RSPO2: variants seen among roughly 807,000 people sequenced by gnomAD.
The protein encoded by RSPO2 is R-spondin 2.
A neutral mutation model predicts 30.9 loss-of-function variants in RSPO2; 14 were observed. The ratio of observed to expected loss-of-function variants is 0.45; its 90% CI spans 0.30 to 0.71. RSPO2 has a LOEUF of 0.71. Ranked by LOEUF, RSPO2 falls within the 30% of genes least tolerant of loss-of-function variation. The probability of loss-of-function intolerance (pLI) is 0.08; values close to 1 mark genes in which losing one functional copy is unlikely to be tolerated. For synonymous variants in RSPO2, 107 were observed against 96.4 expected (o/e 1.11, Z -0.64); for missense variants, 264 against 301.9 (o/e 0.87, Z 0.93).
intron 2 of RSPO2, among the ~76,000 whole-genome samples, chr8:108,044,524 C>G (rs987389864): frequency 6.6e-6 from 1 of 152,098 alleles, no homozygotes; most frequent in Admixed American, 6.6e-5. Flanking sequence ...CGTCCATATT[C>G]CTGCAAAGGA....
intron 2 of RSPO2, among the ~76,000 whole-genome samples, chr8:108,031,545 G>C (rs573668159): frequency 6.6e-6 from 1 of 152,152 alleles, no homozygotes; most frequent in South Asian, 2.1e-4. Flanking sequence ...TAAGATAAAC[G>C]TAAGCATCAA....
chr8:107,924,641 C>T (rs1474115052), intron 5 of RSPO2, among the ~76,000 whole-genome samples: 1 of 151,878 alleles, frequency 6.6e-6, no homozygotes, highest in East Asian at 1.9e-4. Context: ...CAGTAGGGTA[C>T]TGATGAAGGG....
chr8:107,917,437 A>T, intron 5 of RSPO2, among the ~76,000 whole-genome samples: 1 of 152,184 alleles, frequency 6.6e-6, no homozygotes, highest in East Asian at 1.9e-4. Flanking sequence ...GTAAGCCAAG[A>T]TCACACCATT....
chr8:108,027,552 A>G (rs746102994), intron 2 of RSPO2, among the ~76,000 whole-genome samples: 5 of 152,204 alleles, frequency 3.3e-5, no homozygotes, highest in Admixed American at 6.5e-5. Context: ...ATTTGGGAAA[A>G]TACAAGAGCA....
intron 5 of RSPO2, among the ~76,000 whole-genome samples, chr8:107,945,971 T>A (rs1229944245): frequency 6.6e-6 from 1 of 152,222 alleles, no homozygotes; most frequent in African/African-American, 2.4e-5. Context: ...ATCTGTTTGC[T>A]GAAATGCAAA....
intron 2 of RSPO2, among the ~76,000 whole-genome samples, chr8:107,998,806 G>A (rs766674246): frequency 8.3e-4 from 126 of 152,084 alleles, no homozygotes; most frequent in Non-Finnish European, 1.5e-3. Context: ...CAGCACTTTG[G>A]AAGGCTGAGG....
intron 3 of RSPO2, among the ~76,000 whole-genome samples, chr8:107,987,890 A>AT (rs1218297377): frequency 2.6e-5 from 4 of 152,168 alleles, no homozygotes; most frequent in Non-Finnish European, 5.9e-5. Context: ...TCACTCTCAT[A>AT]AATATGAGAT....
At chr8:107,990,414 G>C (rs1814808395) in intron 2 of RSPO2, among the ~76,000 whole-genome samples, 1 of 152,114 alleles carries the variant, frequency 6.6e-6, no homozygotes, top group African/African-American at 2.4e-5. Flanking sequence ...ACCAACAGCA[G>C]TCAAGCCAAG....
chr8:108,058,055 G>A (rs545209706), intron 2 of RSPO2, among the ~76,000 whole-genome samples: 1 of 152,200 alleles, frequency 6.6e-6, no homozygotes, highest in South Asian at 2.1e-4. Flanking sequence ...TCTTGTGCCA[G>A]TTTTCAAAGG....
intron 2 of RSPO2, among the ~76,000 whole-genome samples, chr8:108,024,981 T>G (rs995892701): frequency 3.3e-5 from 5 of 152,254 alleles, no homozygotes; most frequent in African/African-American, 1.2e-4. Flanking sequence ...ATCATGCCAC[T>G]GTACTCCAGT....
intron 5 of RSPO2, among the ~76,000 whole-genome samples, chr8:107,939,805 A>T (rs1286091742): frequency 6.6e-6 from 1 of 152,100 alleles, no homozygotes; most frequent in African/African-American, 2.4e-5. Flanking sequence ...ATTTTAAAAA[A>T]ATCCTTGATT....
At chr8:108,074,631 T>C (rs908587134) in intron 2 of RSPO2, among the ~76,000 whole-genome samples, 1 of 152,226 alleles carries the variant, frequency 6.6e-6, no homozygotes, top group African/African-American at 2.4e-5. Context: ...TAGGAAGTTC[T>C]GGGGATCAAT....
rs1811602306 is a variant in RSPO2 at position 107,905,323 on chromosome 8, T to A, written c.617-4133A>T. On this transcript the variant is annotated intron_variant, in intron 5 of 5. Transcript: ENST00000276659. ...AATGGAAGAAAACTAAAGAAAAATT[T>A]CAGTAGCTTTGACTATAAAAGAGAT... is the stretch of plus-strand genomic sequence containing the variant. Among the ~76,000 whole-genome samples, 3 of 152,036 alleles carry A rather than the reference T, an allele frequency of 2.0e-5. No homozygotes were observed. In the South Asian group the frequency reaches 6.2e-4, roughly 32 times the overall value.
chr8:107,945,241 CTTTTT>C lies in RSPO2; in HGVS notation c.616+12834_616+12838del, dbSNP rs754722790. Reference sequence around the variant, plus strand: ...TTATCTCCTGAGTTCATTCTTTTACCTTTTTTTTTTTTTTTTTTTTTTTTTGAGAC... The same window carrying C: ...TTATCTCCTGAGTTCATTCTTTTACCTTTTTTTTTTTTTTTTTTTTGAGAC... On this transcript the variant is annotated intron_variant, in intron 5 of 5. Coordinates refer to ENST00000276659, the MANE Select transcript of RSPO2 (RefSeq NM_178565.5). 3.0e-3 allele frequency among the ~76,000 whole-genome samples: 222 copies of C among 74,842 alleles called. 1 individual carries two copies. The highest frequency in any genetic ancestry group is 0.011 in the African/African-American group (207 of 18,062). 49.1% of individuals were successfully genotyped at this position (74,842 alleles called of 152,430 possible). A position where few individuals can be genotyped will look rare whatever the true frequency, so the allele number is the denominator to read the frequency against.
intron 5 of RSPO2, among the ~76,000 whole-genome samples, chr8:107,953,311 A>G (rs1361150469): frequency 6.6e-6 from 1 of 152,170 alleles, no homozygotes; most frequent in African/African-American, 2.4e-5. Flanking sequence ...AGGGATGGCA[A>G]CTACAATCTT....
intron 2 of RSPO2, among the ~76,000 whole-genome samples, chr8:108,036,012 T>TAGA: frequency 6.6e-6 from 1 of 152,094 alleles, no homozygotes; most frequent in African/African-American, 2.4e-5. Context: ...CATACTGTCC[T>TAGA]CCAAGTATTA....
chr8:108,076,568 C>G (rs1813020191), intron 2 of RSPO2, among the ~76,000 whole-genome samples: 2 of 152,104 alleles, frequency 1.3e-5, no homozygotes, highest in South Asian at 4.1e-4. Flanking sequence ...ACAGAAAAGT[C>G]AAAGACTATA....
intron 2 of RSPO2, among the ~76,000 whole-genome samples, chr8:107,998,243 G>A (rs1249801517): frequency 6.6e-6 from 1 of 151,888 alleles, no homozygotes; most frequent in East Asian, 1.9e-4. Context: ...GAGGTAGGGG[G>A]GAAACCCAAC....
intron 2 of RSPO2, among the ~76,000 whole-genome samples, chr8:108,043,917 C>T (rs942836013): frequency 2.6e-5 from 4 of 151,708 alleles, no homozygotes; most frequent in Non-Finnish European, 5.9e-5. Flanking sequence ...TTTTAAAAAC[C>T]TCAGTTTTCT....
Sources: allele counts gnomAD v4.1 joint callset (sites outside exome capture counted in the v4.1 genomes callset), GRCh38; gene constraint gnomAD v4.1.1; transcripts MANE v1.5; gene names NCBI Gene and HGNC (gene_info 2026-07-23, HGNC 2026-07-21).